CDH4: variants seen among roughly 807,000 people sequenced by gnomAD.
CDH4 encodes the protein cadherin 4.
A neutral mutation model predicts 86.0 loss-of-function variants in CDH4; 33 were observed. The ratio of observed to expected loss-of-function variants is 0.38; its 90% CI spans 0.29 to 0.51. The LOEUF (loss-of-function observed/expected upper bound fraction) is 0.51. CDH4 is among the 20% of genes least tolerant of loss of function. CDH4 has a pLI of 0.86. For missense variants in CDH4, 1,114 were observed against 1,307.4 expected, an observed-to-expected ratio of 0.85 and a Z score of 2.28; for synonymous variants, 555 against 549.4, an observed-to-expected ratio of 1.01 and a Z score of -0.14.
At chr20:61,868,263 C>T (rs908431526) in intron 6 of CDH4, among the ~76,000 whole-genome samples, 9 of 152,148 alleles carry the variant, frequency 5.9e-5, no homozygotes, top group Non-Finnish European at 2.9e-5. Flanking sequence ...GTCTGTGTTC[C>T]GTGGTACAGA....
In CDH4 at chr20:61,491,429, A is replaced by G. The variant is rs1385837673; in HGVS notation, c.169+236492A>G. Among the ~76,000 whole-genome samples, 3 of 152,314 alleles carry G rather than the reference A, an allele frequency of 2.0e-5. No individual in the cohort carries two copies. The East Asian group carries it at 5.8e-4, about 29-fold the overall frequency. On this transcript the variant is annotated intron_variant, in intron 2 of 15. Transcript: ENST00000614565. ...TATGACTCGTGATGCTGGTAACTTC[A>G]CAACTAAGGGCTAGTGAAAAGGAAA...
chr20:61,426,757 G>T (rs554202755), intron 2 of CDH4, among the ~76,000 whole-genome samples: 1 of 152,362 alleles, frequency 6.6e-6, no homozygotes, highest in East Asian at 1.9e-4. Flanking sequence ...GCAAATTCCT[G>T]CAGGGAATCG....
intron 2 of CDH4, among the ~76,000 whole-genome samples, chr20:61,591,296 C>T (rs1005265386): frequency 6.6e-6 from 1 of 152,214 alleles, no homozygotes; most frequent in Non-Finnish European, 1.5e-5. Flanking sequence ...AAACTATCAG[C>T]AATAAGCCTA....
intron 2 of CDH4, among the ~76,000 whole-genome samples, chr20:61,346,864 G>A (rs1248403441): frequency 6.6e-6 from 1 of 152,142 alleles, no homozygotes; most frequent in Non-Finnish European, 1.5e-5. Flanking sequence ...GGGCCAGGGT[G>A]GGAATTAGAT....
chr20:61,898,392 C>T (rs1416832397), intron 8 of CDH4, among the ~76,000 whole-genome samples: 1 of 152,246 alleles, frequency 6.6e-6, no homozygotes, highest in Non-Finnish European at 1.5e-5. Flanking sequence ...ACCCTCGGCC[C>T]TCAGCACTCC....
chr20:61,873,766 G>A lies in CDH4; in HGVS notation c.916G>A (p.Asp306Asn), dbSNP rs758952645. 1.2e-6 allele frequency: 2 copies of A among 1,613,912 alleles called. No individual in the cohort carries two copies. Among genetic ancestry groups the A allele is most frequent in the Non-Finnish European group, 1.7e-6 (2 of 1,180,032 alleles). Residue 306 changes from aspartate to asparagine, a missense_variant, in exon 7 of 16, where the codon GAC becomes AAC. Physicochemically the swap from Asp to Asn is conservative, Grantham distance 23. Coordinates refer to ENST00000614565, the MANE Select transcript of CDH4 (RefSeq NM_001794.5). ...VMTVTANDAD[D>N]STTANGMVRY... ...GACCGTCACGGCCAACGATGCTGAC[G>A]ACAGCACCACGGCCAACGGGATGGT...
intron 2 of CDH4, among the ~76,000 whole-genome samples, chr20:61,490,561 T>G (rs1486586785): frequency 1.3e-5 from 2 of 151,972 alleles, no homozygotes; most frequent in African/African-American, 4.8e-5. Flanking sequence ...TAGCTGGGCA[T>G]AGTGGTGGGT....
At chr20:61,426,094 TAA>T (rs1462342276) in intron 2 of CDH4, among the ~76,000 whole-genome samples, 1 of 152,128 alleles carries the variant, frequency 6.6e-6, no homozygotes, top group Non-Finnish European at 1.5e-5. Flanking sequence ...AAAAATATAT[TAA>T]GAGGTATTAA....
intron 4 of CDH4, among the ~76,000 whole-genome samples, chr20:61,832,869 CT>C (rs1372844729): frequency 2.6e-5 from 4 of 152,008 alleles, no homozygotes; most frequent in Non-Finnish European, 5.9e-5. Flanking sequence ...GTTCTACGAC[CT>C]CTTATTTCTG....
chr20:61,804,429 C>T (rs1046266791), intron 4 of CDH4, among the ~76,000 whole-genome samples: 14 of 152,224 alleles, frequency 9.2e-5, no homozygotes, highest in Admixed American at 2.6e-4. Flanking sequence ...CATCTGGCCT[C>T]GGCCTCACCC....
rs149808670 is a variant in CDH4, at chr20:61,532,769, G to A, written c.170-210794G>A. On this transcript the variant is annotated intron_variant, in intron 2 of 15. Coordinates refer to ENST00000614565, the MANE Select transcript of CDH4 (RefSeq NM_001794.5). Reference sequence around the variant, plus strand: ...GGGAGATTGGGGAAGGTGTTTTGGCGGGATCAGTAGGTATGAAAGGCATGT... The same window carrying A: ...GGGAGATTGGGGAAGGTGTTTTGGCAGGATCAGTAGGTATGAAAGGCATGT... 4.3e-3 allele frequency among the ~76,000 whole-genome samples: 647 copies of A among 152,232 alleles called. 4 individuals are homozygous for A. The highest frequency in any genetic ancestry group is 0.015 in the African/African-American group (620 of 41,542).
intron 2 of CDH4, among the ~76,000 whole-genome samples, chr20:61,330,561 T>A (rs1372299361): frequency 1.3e-5 from 2 of 152,210 alleles, no homozygotes; most frequent in Non-Finnish European, 2.9e-5. Flanking sequence ...TGTAGGCAGT[T>A]GCCTTCAAGA....
Position 61,803,080 on chromosome 20 carries a change from T to C in CDH4, c.576+29898T>C, listed in dbSNP as rs190880707. Among the ~76,000 whole-genome samples, 334 of 152,338 alleles carry C rather than the reference T, an allele frequency of 2.2e-3. 4 individuals are homozygous for C. The highest frequency in any genetic ancestry group is 3.4e-3 in the Middle Eastern group (1 of 294). ...TCCTTCCCACGCCCCCACTGCTAAT[T>C]GCCTGCCTGTAGAGCGGCCAGCCCT... On this transcript the variant is annotated intron_variant, in intron 4 of 15. Coordinates refer to ENST00000614565, the MANE Select transcript of CDH4 (RefSeq NM_001794.5).
intron 2 of CDH4, among the ~76,000 whole-genome samples, chr20:61,428,422 A>G (rs1374153373): frequency 6.6e-6 from 1 of 152,248 alleles, no homozygotes; most frequent in Non-Finnish European, 1.5e-5. Context: ...ACCAGAAGAC[A>G]AACACAAGAA....
rs185526671 is a variant in CDH4, at chr20:61,319,029, A to T, written c.169+64092A>T. The stretch of plus-strand genomic sequence containing the variant: ...TGCATGTCACATGATGCCGTGATAA[A>T]CAGATGACTTAGTTTCCACGATCTT... On this transcript the variant is annotated intron_variant, in intron 2 of 15. Transcript: ENST00000614565. 1.1e-3 allele frequency among the ~76,000 whole-genome samples: 175 copies of T among 152,294 alleles called. 1 individual carries two copies. Among genetic ancestry groups the T allele is most frequent in the African/African-American group, 4.1e-3 (172 of 41,548 alleles).
chr20:61,937,180 G>T lies in CDH4; in HGVS notation c.*237G>T. ...ACTGAAGGACAGCAAGAGGCACTCT[G>T]TCTTCACTTGAATTTCCTAGAACAG... On this transcript the variant is annotated 3_prime_UTR_variant, in exon 16 of 16. Transcript: ENST00000614565. 6.1e-6 allele frequency: 1 copy of T among 165,174 alleles called. No homozygotes were observed. Among genetic ancestry groups the T allele is most frequent in the Non-Finnish European group, 1.1e-5 (1 of 88,548 alleles). The allele number at this position is 165,174 out of a possible 1,614,324, so 10.2% of individuals were successfully genotyped here.
At chr20:61,649,969 C>T (rs1249009368) in intron 2 of CDH4, among the ~76,000 whole-genome samples, 2 of 152,142 alleles carry the variant, frequency 1.3e-5, no homozygotes, top group Non-Finnish European at 2.9e-5. Flanking sequence ...CAGAGGATGC[C>T]GGGCCTTCTG....
At chr20:61,621,988 T>C (rs1045120230) in intron 2 of CDH4, among the ~76,000 whole-genome samples, 4 of 152,232 alleles carry the variant, frequency 2.6e-5, no homozygotes, top group African/African-American at 9.6e-5. Context: ...AAGCATGCTC[T>C]GCAGGTCCCA....
chr20:61,483,582 G>A (rs1427122633), intron 2 of CDH4, among the ~76,000 whole-genome samples: 4 of 152,268 alleles, frequency 2.6e-5, no homozygotes, highest in East Asian at 3.9e-4. Flanking sequence ...GCCTGGATGC[G>A]CCCTTGCTTC....
Sources: allele counts gnomAD v4.1 joint callset (sites outside exome capture counted in the v4.1 genomes callset), GRCh38; gene constraint gnomAD v4.1.1; transcripts MANE v1.5; gene names NCBI Gene and HGNC (gene_info 2026-07-23, HGNC 2026-07-21).